ENOX1: variants seen among roughly 807,000 people sequenced by gnomAD.
ENOX1 encodes the protein candidate growth-related and time keeping constitutive hydroquinone (NADH) oxidase.
ENOX1 carries 42 observed loss-of-function variants against 82.5 expected under a neutral mutation model. The observed-to-expected ratio is 0.51, with a 90% CI of 0.40 to 0.66. The LOEUF (loss-of-function observed/expected upper bound fraction) is 0.66. Ranked by LOEUF, ENOX1 falls within the 30% of genes least tolerant of loss-of-function variation. The probability of loss-of-function intolerance (pLI) is 0.00; values close to 1 mark genes in which losing one functional copy is unlikely to be tolerated. For missense variants in ENOX1, 608 were observed against 811.6 expected (o/e 0.75, Z 3.05); for synonymous variants, 271 against 282.2 (o/e 0.96, Z 0.40).
chr13:43,428,354 G>A (rs1387413062), intron 3 of ENOX1, among the ~76,000 whole-genome samples: 3 of 152,024 alleles, frequency 2.0e-5, no homozygotes, highest in Admixed American at 1.3e-4. Flanking sequence ...TATATTGAGG[G>A]CAAACTGATG....
intron 14 of ENOX1, among the ~76,000 whole-genome samples, chr13:43,259,914 A>T (rs112759121): frequency 3.3e-5 from 5 of 152,308 alleles, no homozygotes; most frequent in South Asian, 2.1e-4. Context: ...GGAAGAAAGA[A>T]TCCAGCCTGA....
At chr13:43,376,503 T>C (rs1333314727) in intron 5 of ENOX1, among the ~76,000 whole-genome samples, 1 of 152,188 alleles carries the variant, frequency 6.6e-6, no homozygotes, top group Non-Finnish European at 1.5e-5. Context: ...AAGACAAGTG[T>C]TTAGGCTTCA....
intron 5 of ENOX1, among the ~76,000 whole-genome samples, chr13:43,365,606 T>A (rs2050798192): frequency 6.6e-6 from 1 of 151,830 alleles, no homozygotes; most frequent in Non-Finnish European, 1.5e-5. Context: ...CATCATGGAG[T>A]CATAAGTTGA....
intron 1 of ENOX1, among the ~76,000 whole-genome samples, chr13:43,764,869 A>C (rs923342267): frequency 2.0e-5 from 3 of 152,224 alleles, no homozygotes; most frequent in African/African-American, 4.8e-5. Flanking sequence ...AATAATTACT[A>C]AAGCTTTTAC....
intron 12 of ENOX1, among the ~76,000 whole-genome samples, chr13:43,275,193 T>C (rs1479495642): frequency 6.6e-6 from 1 of 152,208 alleles, no homozygotes; most frequent in Non-Finnish European, 1.5e-5. Flanking sequence ...GTTACAGACA[T>C]GCTTTTGTGT....
At chr13:43,462,636 CATT>C (rs2057539070) in intron 3 of ENOX1, among the ~76,000 whole-genome samples, 1 of 152,214 alleles carries the variant, frequency 6.6e-6, no homozygotes, top group African/African-American at 2.4e-5. Flanking sequence ...GTGTGAACAA[CATT>C]ATGTGCAAAC....
At chr13:43,327,432 C>T (rs559163001) in intron 9 of ENOX1, among the ~76,000 whole-genome samples, 1 of 152,300 alleles carries the variant, frequency 6.6e-6, no homozygotes, top group East Asian at 1.9e-4. Context: ...TAGACAAAGG[C>T]ATGGGCTCTT....
intron 1 of ENOX1, among the ~76,000 whole-genome samples, chr13:43,725,692 A>T: frequency 6.6e-6 from 1 of 152,100 alleles, no homozygotes; most frequent in African/African-American, 2.4e-5. Context: ...TTCGCCTGGC[A>T]CGGTGACTCA....
At chr13:43,494,576 T>G (rs2076731067) in intron 2 of ENOX1, among the ~76,000 whole-genome samples, 1 of 152,194 alleles carries the variant, frequency 6.6e-6, no homozygotes, top group Non-Finnish European at 1.5e-5. Context: ...GGCACATATA[T>G]TCATTCTTTC....
At chr13:43,362,732 G>A (rs571997157) in intron 5 of ENOX1, among the ~76,000 whole-genome samples, 6 of 152,298 alleles carry the variant, frequency 3.9e-5, no homozygotes, top group Admixed American at 3.3e-4. Flanking sequence ...TCTAGCAAAA[G>A]CGTTTCCTTT....
intron 2 of ENOX1, among the ~76,000 whole-genome samples, chr13:43,655,464 T>C (rs187190353): frequency 1.3e-5 from 2 of 152,296 alleles, no homozygotes; most frequent in African/African-American, 4.8e-5. Context: ...CTATCAGTCC[T>C]GTCATCAAGT....
intron 1 of ENOX1, among the ~76,000 whole-genome samples, chr13:43,718,076 G>A (rs1445345908): frequency 6.6e-6 from 1 of 152,172 alleles, no homozygotes; most frequent in Non-Finnish European, 1.5e-5. Context: ...AAAGACACAT[G>A]TACTTATTAG....
chr13:43,445,273 A>G (rs376690731), intron 3 of ENOX1, among the ~76,000 whole-genome samples: 2,766 of 150,654 alleles, frequency 0.018, 35 homozygotes, highest in East Asian at 0.065. Flanking sequence ...ACAGGCACCC[A>G]CCACCACGCC....
In ENOX1 at chr13:43,568,412, C is replaced by T. The variant is rs186694522; in HGVS notation, c.-218-84260G>A. The stretch of plus-strand genomic sequence containing the variant: ...CTTCAGCAGCCGTGTCAGGGTGCCC[C>T]GGGAAAAAAGACAGAGACTCCTCTG... On this transcript the variant is annotated intron_variant, in intron 2 of 16. Coordinates refer to ENST00000690772, the MANE Select transcript of ENOX1 (RefSeq NM_001347969.2). Among the ~76,000 whole-genome samples, 856 of 152,026 alleles carry T rather than the reference C, an allele frequency of 5.6e-3. 2 individuals are homozygous for T. The highest frequency in any genetic ancestry group is 9.6e-3 in the Non-Finnish European group (652 of 67,954).
chr13:43,680,029 C>G (rs1169324504), intron 1 of ENOX1, among the ~76,000 whole-genome samples: 1 of 152,244 alleles, frequency 6.6e-6, no homozygotes, highest in Non-Finnish European at 1.5e-5. Flanking sequence ...CAGGCAAATA[C>G]AACCCTAAAG....
At chr13:43,222,471 CAA>C (rs915950364) in intron 16 of ENOX1, among the ~76,000 whole-genome samples, 3 of 152,034 alleles carry the variant, frequency 2.0e-5, no homozygotes, top group African/African-American at 4.8e-5. Flanking sequence ...GTGGAGGAAA[CAA>C]AGTGTCCTGA....
At chr13:43,307,306 C>T (rs375312484) in intron 11 of ENOX1, among the ~76,000 whole-genome samples, 324 of 152,314 alleles carry the variant, frequency 2.1e-3, no homozygotes, top group Middle Eastern at 3.4e-3. Flanking sequence ...TAGCTGGCAT[C>T]TTGAGGTATC....
In ENOX1 at chr13:43,218,233, C is replaced by T. The variant is rs142386311; in HGVS notation, c.1801-4112G>A. The stretch of plus-strand genomic sequence containing the variant: ...TTTCTGTTGGTAGTGTAAGATATAA[C>T]AGCTGGGTTCTGCCACAAAGATGCA... On this transcript the variant is annotated intron_variant, in intron 16 of 16. Transcript: ENST00000690772. Among the ~76,000 whole-genome samples, 983 of 152,306 alleles carry T rather than the reference C, an allele frequency of 6.5e-3. 4 individuals carry two copies. Among genetic ancestry groups the T allele is most frequent in the Non-Finnish European group, 8.2e-3 (559 of 68,022 alleles).
intron 5 of ENOX1, among the ~76,000 whole-genome samples, chr13:43,393,123 T>C (rs1005694986): frequency 6.6e-6 from 1 of 152,232 alleles, no homozygotes; most frequent in East Asian, 1.9e-4. Flanking sequence ...GAAAATAATG[T>C]GAAGCATTGT....
Sources: allele counts gnomAD v4.1 joint callset (sites outside exome capture counted in the v4.1 genomes callset), GRCh38; gene constraint gnomAD v4.1.1; transcripts MANE v1.5; gene names NCBI Gene and HGNC (gene_info 2026-07-23, HGNC 2026-07-21).